Variants in HLX observed in about 807,000 individuals in gnomAD.
HLX encodes the protein H2.0-like homeobox protein.
A neutral mutation model predicts 27.7 loss-of-function variants in HLX; 6 were observed. That is an observed-to-expected ratio of 0.22 (90% CI 0.12 to 0.43). The LOEUF (loss-of-function observed/expected upper bound fraction) is 0.43. HLX is among the 20% of genes least tolerant of loss of function. The probability of loss-of-function intolerance (pLI) is 1.00; values close to 1 mark genes in which losing one functional copy is unlikely to be tolerated. For missense variants in HLX, 666 were observed against 655.2 expected (o/e 1.02, Z -0.18); for synonymous variants, 328 against 293.8 (o/e 1.12, Z -1.19).
Position 220,884,133 on chromosome 1 carries a change from T to G in HLX, c.958-62T>G. On this transcript the variant is annotated intron_variant, in intron 3 of 3. Coordinates refer to ENST00000366903, the MANE Select transcript of HLX (RefSeq NM_021958.4). The surrounding 1 kb of genome is among the most constrained non-coding windows in gnomAD (Gnocchi z 4.9). ...GGCTTGAGGGTGCACGCGAGTCGGA[T>G]AGGAGCAAACCTGGGTCTCATCTCG... The G allele has an allele frequency of 6.4e-7, 1 of 1,564,188 alleles. No individual in the cohort carries two copies. The highest frequency in any genetic ancestry group is 1.7e-4 in the Middle Eastern group (1 of 5,900).
Position 220,880,362 on chromosome 1 carries a change from C to G in HLX, c.505C>G (p.Pro169Ala), listed in dbSNP as rs753785405. The G allele has an allele frequency of 6.2e-7, 1 of 1,613,988 alleles. No individual in the cohort carries two copies. Among genetic ancestry groups the G allele is most frequent in the Admixed American group, 1.7e-5 (1 of 60,008 alleles). Residue 169 changes from proline to alanine, a missense_variant, in exon 1 of 4, where the codon CCC (proline) becomes GCC (alanine). Physicochemically the swap from Pro to Ala is conservative, Grantham distance 27. Transcript: ENST00000366903. ...CCACCACAGTGGCTCTGCCCCGGCC[C>G]CCTCCAGCAAAGACCTCAAATTTGG... is the stretch of plus-strand genomic sequence containing the variant. ...NPHHSGSAPA[P>A]SSKDLKFGID...
intron 2 of HLX, chr1:220,881,928 C>G (rs1674458484): frequency 1.7e-6 from 1 of 599,964 alleles, no homozygotes; most frequent in Non-Finnish European, 3.1e-6. Context: ...AATTAAAGGA[C>G]AAGCCGCCAG....
chr1:220,879,661 C>A lies in HLX; in HGVS notation c.-197C>A. ...GCGAGGCCAGGGAGCGAGGCGGTGA[C>A]CGGCCGAGATCCGGCCCTCGCCTCC... On this transcript the variant is annotated 5_prime_UTR_variant, in exon 1 of 4. Coordinates refer to ENST00000366903, the MANE Select transcript of HLX (RefSeq NM_021958.4). 1.2e-6 allele frequency: 1 copy of A among 854,852 alleles called. No homozygotes were observed. The highest frequency in any genetic ancestry group is 1.7e-6 in the Non-Finnish European group (1 of 600,058). The allele number at this position is 854,852 out of a possible 1,614,324, so 53.0% of individuals were successfully genotyped here.
chr1:220,880,326 G>T lies in HLX; in HGVS notation c.469G>T (p.Val157Phe). ...LQPPASGTRV[V>F]PNPHHSGSAP... ...GCCCCCGGCCTCGGGGACGCGAGTG[G>T]TTCCGAACCCCCACCACAGTGGCTC... The change falls in exon 1 of 4, where the codon GTT (valine) becomes TTT (phenylalanine). Residue 157 changes from valine to phenylalanine, a missense_variant. Val to Phe is a conservative substitution (Grantham distance 50). Coordinates refer to ENST00000366903, the MANE Select transcript of HLX (RefSeq NM_021958.4). 1 of 1,613,914 alleles carries T rather than the reference G, an allele frequency of 6.2e-7. No homozygotes were observed. Among genetic ancestry groups the T allele is most frequent in the African/African-American group, 1.3e-5 (1 of 74,968 alleles).
intron 3 of HLX, chr1:220,883,888 G>A (rs1354367358): frequency 2.2e-6 from 1 of 460,920 alleles, no homozygotes; most frequent in Non-Finnish European, 3.9e-6. Flanking sequence ...AGAGTATGTT[G>A]GGGGTCGGGT....
At chr1:220,881,480 G>T in intron 2 of HLX, 107 bp downstream of exon 2, 2 of 947,014 alleles carry the variant, frequency 2.1e-6, no homozygotes, top group Non-Finnish European at 3.4e-6. Flanking sequence ...CTCACAATTG[G>T]GGCGGGAGGC....
chr1:220,881,848 C>T (rs1674453155), intron 2 of HLX: 1 of 438,906 alleles, frequency 2.3e-6, no homozygotes, highest in Admixed American at 3.4e-5. Context: ...ATCATTCAGG[C>T]CCAAGGGACA....
intron 2 of HLX, chr1:220,881,763 A>C (rs1011463350): frequency 6.6e-6 from 2 of 305,080 alleles, no homozygotes; most frequent in South Asian, 5.6e-5. Flanking sequence ...TGCGGGAATA[A>C]ACACACACAC....
intron 3 of HLX, 99 bp downstream of exon 3, chr1:220,882,447 G>T: frequency 9.1e-7 from 1 of 1,097,886 alleles, no homozygotes; most frequent in East Asian, 2.5e-5. Context: ...CTGGCCTCCT[G>T]CGGTGCAAAC....
rs1430528332 is a variant in HLX at position 220,881,319 on chromosome 1, T to C, written c.718T>C (p.Leu240=). 3 of 1,613,994 alleles carry C rather than the reference T, an allele frequency of 1.9e-6. No homozygotes were observed. The African/African-American group carries it at 4.0e-5, about 22-fold the overall frequency. The change falls in exon 2 of 4, where the codon TTA becomes CTA. Residue 240 remains leucine, a synonymous_variant. Coordinates refer to ENST00000366903, the MANE Select transcript of HLX (RefSeq NM_021958.4). ...CGAGGCTTCTGCAATCCTGAGTCCC[T>C]TAAACTCGAACCCAAGAAATTCAGT... ...INEASAILSP[L]NSNPRNSVQH...
In HLX at chr1:220,885,026, A is replaced by G; in HGVS notation, c.*322A>G. ...CTCAAAGGCACTTAGGACGCCTTAA[A>G]TTTGTAAATAAAATGTTTACTACGG... On this transcript the variant is annotated 3_prime_UTR_variant, in exon 4 of 4. Coordinates refer to ENST00000366903, the MANE Select transcript of HLX (RefSeq NM_021958.4). 1 of 394,640 alleles carries G rather than the reference A, an allele frequency of 2.5e-6. No homozygotes were observed. Among genetic ancestry groups the G allele is most frequent in the Non-Finnish European group, 4.7e-6 (1 of 214,964 alleles). The allele number at this position is 394,640 out of a possible 1,614,324, so 24.4% of individuals were successfully genotyped here.
chr1:220,881,476 A>G (rs879325720), intron 2 of HLX, 103 bp downstream of exon 2: 1 of 972,428 alleles, frequency 1.0e-6, no homozygotes, highest in Non-Finnish European at 1.7e-6. Flanking sequence ...CAATCTCACA[A>G]TTGGGGCGGG....
chr1:220,882,307 C>A lies in HLX; in HGVS notation c.916C>A (p.Arg306=). The A allele has an allele frequency of 1.2e-6, 2 of 1,614,224 alleles. No homozygotes were observed. The highest frequency in any genetic ancestry group is 2.2e-5 in the South Asian group (2 of 91,082). Reference sequence around the variant, plus strand: ...TCAGAAGTACGTGACCAAGCCGGACCGAAAGCAGCTGGCGGCGATGCTGGG... The same window carrying A: ...TCAGAAGTACGTGACCAAGCCGGACAGAAAGCAGCTGGCGGCGATGCTGGG... ...EIQKYVTKPD[R]KQLAAMLGLT... Residue 306 remains arginine (R), a synonymous_variant, in exon 3 of 4, where the codon CGA becomes AGA. Transcript: ENST00000366903.
chr1:220,880,476 C>T, intron 1 of HLX, 27 bp downstream of exon 1: 1 of 1,612,682 alleles, frequency 6.2e-7, no homozygotes, highest in Admixed American at 1.7e-5. Context: ...AGGCTGCAGG[C>T]CTCTGACCAC....
In HLX at chr1:220,884,694, G is replaced by C. The variant is rs746053068; in HGVS notation, c.1457G>C (p.Gly486Ala). The change falls in exon 4 of 4, where the codon GGC becomes GCC. Residue 486 changes from glycine to alanine, a missense_variant. Gly to Ala is a moderately conservative substitution (Grantham distance 60, BLOSUM62 0). Coordinates refer to ENST00000366903, the MANE Select transcript of HLX (RefSeq NM_021958.4). This position sits in a 1 kb window ranked among gnomAD's most constrained non-coding sequence, Gnocchi z 4.9. ...CCCGAGCCAGCCCAAGGCGCGCTTG[G>C]CTGCTTATAGACTGTACTAGGGCGG... ...KSPEPAQGAL[G>A]CL 6.2e-7 allele frequency: 1 copy of C among 1,609,454 alleles called. No homozygotes were observed. The highest frequency in any genetic ancestry group is 1.1e-5 in the South Asian group (1 of 90,858).
Position 220,880,356 on chromosome 1 carries a change from C to T in HLX, c.499C>T (p.Pro167Ser), listed in dbSNP as rs201755479. 238 of 1,613,990 alleles carry T rather than the reference C, an allele frequency of 1.5e-4. No individual in the cohort carries two copies. The highest frequency in any genetic ancestry group is 1.2e-4 in the Non-Finnish European group (143 of 1,179,980). The change falls in exon 1 of 4, where the codon CCG (proline) becomes TCG (serine). Residue 167 changes from proline to serine, a missense_variant. Pro to Ser is a moderately conservative substitution (Grantham distance 74). Transcript: ENST00000366903. ...GAACCCCCACCACAGTGGCTCTGCC[C>T]CGGCCCCCTCCAGCAAAGACCTCAA... is the stretch of plus-strand genomic sequence containing the variant. Reference protein sequence around the residue: ...VPNPHHSGSAPAPSSKDLKFG... With the variant: ...VPNPHHSGSASAPSSKDLKFG...
At chr1:220,881,093 A>G (rs866345697) in intron 1 of HLX, 101 bp from the exon 2 acceptor site, 3 of 1,091,720 alleles carry the variant, frequency 2.7e-6, no homozygotes, top group Middle Eastern at 4.1e-4. Context: ...GACTTCGCTC[A>G]ATAAAAGTGA....
intron 3 of HLX, 130 bp downstream of exon 3, chr1:220,882,478 AG>A: frequency 1.2e-6 from 1 of 809,680 alleles, no homozygotes; most frequent in Non-Finnish European, 2.0e-6. Flanking sequence ...GACTTTCAAG[AG>A]GCTTTGTGGA....
chr1:220,881,125 A>G (rs1001419455), intron 1 of HLX, 69 bp from the exon 2 acceptor site: 74 of 1,355,448 alleles, frequency 5.5e-5, no homozygotes, highest in Middle Eastern at 5.5e-4. Context: ...GGGGAAGGGG[A>G]GGAACAAATC....
Sources: allele counts gnomAD v4.1 joint callset, GRCh38; gene constraint gnomAD v4.1.1; non-coding constraint Gnocchi (gnomAD v3.1); transcripts MANE v1.5; gene names NCBI Gene and HGNC (gene_info 2026-07-23, HGNC 2026-07-21).